Variants in NSUN6 observed in about 807,000 individuals in gnomAD.
NSUN6 encodes NOP2/Sun RNA methyltransferase 6.
Under a neutral mutation model 58.0 loss-of-function variants are expected in NSUN6, and 64 were observed. The ratio of observed to expected loss-of-function variants is 1.10; its 90% CI spans 0.90 to 1.36. The LOEUF (loss-of-function observed/expected upper bound fraction) is 1.36, where lower values mean the gene tolerates loss of function less well. Among genes scored for constraint, NSUN6 ranks in the 40% most tolerant of loss-of-function variants. The pLI is 0.00. For missense variants in NSUN6, 701 were observed against 550.1 expected (o/e 1.27, Z -2.74); for synonymous variants, 231 against 193.9 (o/e 1.19, Z -1.59).
At chr10:18,552,113 A>C in intron 8 of NSUN6, 142 bp from the exon 9 acceptor site, 1 of 583,506 alleles carries the variant, frequency 1.7e-6, no homozygotes, top group Non-Finnish European at 3.0e-6. Context: ...AGCTGGTTAA[A>C]CTAATTTTGA....
chr10:18,634,928 A>C (rs1248366815), intron 3 of NSUN6, among the ~76,000 whole-genome samples: 3 of 152,222 alleles, frequency 2.0e-5, no homozygotes, highest in African/African-American at 7.2e-5. Flanking sequence ...CTAGCTAAGC[A>C]GCTAGAAACT....
chr10:18,589,788 C>A (rs556141334), intron 7 of NSUN6, among the ~76,000 whole-genome samples: 2 of 152,164 alleles, frequency 1.3e-5, no homozygotes, highest in Non-Finnish European at 2.9e-5. Flanking sequence ...AAACCAGTAA[C>A]AGCCACTGCA....
Position 18,600,959 on chromosome 10 carries a change from T to TATATATATATATATATAC in NSUN6, c.658-4633_658-4632insGTATATATATATATATAT. Among the ~76,000 whole-genome samples the TATATATATATATATATAC allele has an allele frequency of 9.9e-3, 642 of 64,790 alleles. 25 individuals are homozygous for TATATATATATATATATAC. The highest frequency in any genetic ancestry group is 0.078 in the East Asian group (88 of 1,124). 42.5% of individuals were successfully genotyped at this position (64,790 alleles called of 152,430 possible). On this transcript the variant is annotated intron_variant, in intron 6 of 10. Coordinates refer to ENST00000377304, the MANE Select transcript of NSUN6 (RefSeq NM_182543.5). ...AAAAAAAAATATATATATATATATA[T>TATATATATATATATATAC]ACATATATATATATATATGTATATA...
At chr10:18,646,582 C>T (rs190637816) in intron 2 of NSUN6, among the ~76,000 whole-genome samples, 11 of 152,240 alleles carry the variant, frequency 7.2e-5, no homozygotes, top group African/African-American at 2.6e-4. Flanking sequence ...CAAGGCCTCA[C>T]GCCTGTAATC....
intron 6 of NSUN6, among the ~76,000 whole-genome samples, chr10:18,604,157 G>C (rs1471602311): frequency 6.6e-6 from 1 of 152,124 alleles, no homozygotes; most frequent in Non-Finnish European, 1.5e-5. Flanking sequence ...ACTCCAGCCT[G>C]GGCGACAGAG....
At chr10:18,638,297 C>T (rs760493782) in intron 3 of NSUN6, among the ~76,000 whole-genome samples, 1 of 152,006 alleles carries the variant, frequency 6.6e-6, no homozygotes, top group African/African-American at 2.4e-5. Context: ...AAAAAATTAG[C>T]TGGGCATGGT....
chr10:18,581,584 T>C (rs1350337589), intron 8 of NSUN6, among the ~76,000 whole-genome samples: 6 of 152,154 alleles, frequency 3.9e-5, no homozygotes, highest in African/African-American at 1.2e-4. Flanking sequence ...TCCAGCACTT[T>C]GGGAGGCCGA....
chr10:18,600,959 T>TATATATATATATATAAAC, intron 6 of NSUN6, among the ~76,000 whole-genome samples: 1 of 64,926 alleles, frequency 1.5e-5, no homozygotes, highest in Non-Finnish European at 3.1e-5. Flanking sequence ...TATATATATA[T>TATATATATATATATAAAC]ACATATATAT....
intron 8 of NSUN6, among the ~76,000 whole-genome samples, chr10:18,567,892 T>C (rs562501472): frequency 6.6e-6 from 1 of 151,348 alleles, no homozygotes; most frequent in South Asian, 2.1e-4. Context: ...CTCCATTCCA[T>C]TCTATTCACC....
At chr10:18,657,798 G>C (rs1213739422), upstream of NSUN6, among the ~76,000 whole-genome samples, 1 of 151,982 alleles carries the variant, frequency 6.6e-6, no homozygotes, top group East Asian at 1.9e-4. Flanking sequence ...ATTTTTAGTA[G>C]AGACAGGGTT....
At position 18,628,159 on chromosome 10, in the gene NSUN6, C is replaced by A. The variant is rs10829042; in HGVS notation, c.312-11866G>T. 2.2e-4 allele frequency among the ~76,000 whole-genome samples: 34 copies of A among 151,972 alleles called. 1 individual carries two copies. Among genetic ancestry groups the A allele is most frequent in the Admixed American group, 1.8e-3 (27 of 15,284 alleles). On this transcript the variant is annotated intron_variant, in intron 3 of 10. Coordinates refer to ENST00000377304, the MANE Select transcript of NSUN6 (RefSeq NM_182543.5). ...AGCAGGGGCAGACTGACACCTCACACGGTCAGGTACTCCAACAGACCTGCA... is the reference window on the plus strand; with the variant it reads ...AGCAGGGGCAGACTGACACCTCACAAGGTCAGGTACTCCAACAGACCTGCA...
At chr10:18,562,101 A>G (rs1276901138) in intron 8 of NSUN6, among the ~76,000 whole-genome samples, 2 of 150,436 alleles carry the variant, frequency 1.3e-5, no homozygotes, top group African/African-American at 4.9e-5. Context: ...AGTGGAATGG[A>G]ACGGAAAGTG....
upstream of NSUN6, among the ~76,000 whole-genome samples, chr10:18,653,873 A>T (rs544751319): frequency 6.6e-6 from 1 of 152,326 alleles, no homozygotes; most frequent in South Asian, 2.1e-4. Context: ...AGTTCTTCAT[A>T]TGGGCGACAT....
At chr10:18,612,070 C>T (rs1038362990) in intron 5 of NSUN6, among the ~76,000 whole-genome samples, 1 of 152,118 alleles carries the variant, frequency 6.6e-6, no homozygotes, top group Non-Finnish European at 1.5e-5. Context: ...ATATCCCCTG[C>T]TCCTGAGCAG....
At chr10:18,617,071 G>T (rs1190232058) in intron 3 of NSUN6, among the ~76,000 whole-genome samples, 1 of 151,918 alleles carries the variant, frequency 6.6e-6, no homozygotes, top group Admixed American at 6.6e-5. Flanking sequence ...TCCCCGCCAG[G>T]TTCCAAAACA....
chr10:18,636,530 C>A lies in NSUN6; in HGVS notation c.311+5946G>T, dbSNP rs150434887. On this transcript the variant is annotated intron_variant, in intron 3 of 10. Coordinates refer to ENST00000377304, the MANE Select transcript of NSUN6 (RefSeq NM_182543.5). ...CAAAACAAAAAACAGTAAATACAAA[C>A]TAGGTGGTAGGAATTTTAGGGAAAA... is the stretch of plus-strand genomic sequence containing the variant. Among the ~76,000 whole-genome samples, 163 of 151,768 alleles carry A rather than the reference C, an allele frequency of 1.1e-3. 1 individual carries two copies. The highest frequency in any genetic ancestry group is 3.7e-3 in the African/African-American group (153 of 41,388).
chr10:18,624,959 T>TGC (rs2058741014), intron 3 of NSUN6, among the ~76,000 whole-genome samples: 1 of 152,216 alleles, frequency 6.6e-6, no homozygotes, highest in Admixed American at 6.5e-5. Context: ...TTTCGGTACA[T>TGC]GCTACGCAGA....
intron 3 of NSUN6, among the ~76,000 whole-genome samples, chr10:18,628,314 G>A (rs374793418): frequency 0.14 from 20,919 of 152,080 alleles, 1,585 homozygotes; most frequent in Middle Eastern, 0.23. Flanking sequence ...AAAAAACAGA[G>A]CAGAAAAACT....
At chr10:18,555,085 T>G (rs11014860) in intron 8 of NSUN6, among the ~76,000 whole-genome samples, 1 of 148,468 alleles carries the variant, frequency 6.7e-6, no homozygotes, top group South Asian at 2.1e-4. Flanking sequence ...TAGAAAGGAA[T>G]AGAGAATGGA....
Sources: allele counts gnomAD v4.1 joint callset (sites outside exome capture counted in the v4.1 genomes callset), GRCh38; gene constraint gnomAD v4.1.1; transcripts MANE v1.5; gene names NCBI Gene and HGNC (gene_info 2026-07-23, HGNC 2026-07-21).